The following RPH3AL variants were observed in gnomAD, a reference collection of about 807,000 sequenced individuals.
The protein encoded by RPH3AL is rab effector Noc2.
A neutral mutation model predicts 43.1 loss-of-function variants in RPH3AL; 38 were observed. That is an observed-to-expected ratio of 0.88 (90% CI 0.68 to 1.15). The LOEUF (loss-of-function observed/expected upper bound fraction) is 1.15, where lower values mean the gene tolerates loss of function less well. Among genes scored for constraint, RPH3AL ranks in the 50% most tolerant of loss-of-function variants. The probability of loss-of-function intolerance (pLI) is 0.00; values close to 1 mark genes in which losing one functional copy is unlikely to be tolerated. For missense variants in RPH3AL, 462 were observed against 423.2 expected (o/e 1.09, Z -0.81); for synonymous variants, 189 against 176.3 (o/e 1.07, Z -0.57).
In RPH3AL at chr17:345,663, G is replaced by A. The variant is rs140084548; in HGVS notation, c.-213+7049C>T. Among the ~76,000 whole-genome samples, 187 of 73,880 alleles carry A rather than the reference G, an allele frequency of 2.5e-3. 18 individuals are homozygous for A. The highest frequency in any genetic ancestry group is 5.6e-3 in the African/African-American group (176 of 31,404). The allele number at this position is 73,880 out of a possible 152,430, so 48.5% of individuals were successfully genotyped here. Reference sequence around the variant, plus strand: ...GCACGCACACCCTGCTGGGGCACGCGTGCTCCCCATCTGCGCGCACACCCT... The same window carrying A: ...GCACGCACACCCTGCTGGGGCACGCATGCTCCCCATCTGCGCGCACACCCT... On this transcript the variant is annotated intron_variant, in intron 1 of 9. Transcript: ENST00000331302.
intron 7 of RPH3AL, among the ~76,000 whole-genome samples, chr17:243,185 C>A (rs2041622060): frequency 7.0e-6 from 1 of 142,174 alleles, no homozygotes. Context: ...ATTACCCTTC[C>A]TCTATTGATT....
At chr17:255,686 G>A in intron 6 of RPH3AL, among the ~76,000 whole-genome samples, 1 of 3,764 alleles carries the variant, frequency 2.7e-4, no homozygotes, top group Non-Finnish European at 4.6e-4. Context: ...CCCTAGGAAC[G>A]TGACTACCCT....
At chr17:244,191 T>C (rs62056567) in intron 7 of RPH3AL, among the ~76,000 whole-genome samples, 4 of 107,972 alleles carry the variant, frequency 3.7e-5, no homozygotes, top group South Asian at 3.6e-4. Context: ...CTCTATTGAT[T>C]ACCCTTCCTC....
rs998330028 is a variant in RPH3AL, at chr17:283,409, A to G, written c.352-1555T>C. Among the ~76,000 whole-genome samples the G allele has an allele frequency of 3.3e-5, 5 of 152,132 alleles. No homozygotes were observed. Among genetic ancestry groups the G allele is most frequent in the African/African-American group, 7.2e-5 (3 of 41,436 alleles). On this transcript the variant is annotated intron_variant, in intron 5 of 9. Coordinates refer to ENST00000331302, the MANE Select transcript of RPH3AL (RefSeq NM_006987.4). This position sits in a 1 kb window ranked among gnomAD's most constrained non-coding sequence, Gnocchi z 4.2. ...CATTCCTGCGGGGGACGGATTTGCT[A>G]CCATCCAATGCTCAGGTACGAGAAA...
intron 6 of RPH3AL, among the ~76,000 whole-genome samples, chr17:273,623 G>A (rs572930635): frequency 3.3e-5 from 5 of 150,876 alleles, no homozygotes; most frequent in Admixed American, 1.3e-4. Flanking sequence ...AGACCCCAGC[G>A]AGGGCGACGT....
chr17:348,304 A>G (rs1567543002), intron 1 of RPH3AL, among the ~76,000 whole-genome samples: 1 of 152,200 alleles, frequency 6.6e-6, no homozygotes, highest in South Asian at 2.1e-4. Context: ...TTCTCCCCAC[A>G]TGTCCTTACA....
At chr17:331,120 G>C (rs1040443938) in intron 2 of RPH3AL, 2 of 151,964 alleles carry the variant, frequency 1.3e-5, no homozygotes, top group African/African-American at 4.8e-5. Context: ...GCAGGCTGCT[G>C]GCTGCTCCCA....
intron 6 of RPH3AL, among the ~76,000 whole-genome samples, chr17:280,975 C>T (rs181394443): frequency 3.3e-5 from 5 of 152,276 alleles, no homozygotes; most frequent in East Asian, 3.9e-4. Context: ...ACCAGCTGCA[C>T]GCCTCCTCGC....
intron 7 of RPH3AL, among the ~76,000 whole-genome samples, chr17:229,271 C>T (rs957850592): frequency 6.6e-6 from 1 of 152,226 alleles, no homozygotes; most frequent in Non-Finnish European, 1.5e-5. Context: ...TCAGGCACCA[C>T]TCGAGGGCAA....
Position 328,802 on chromosome 17 carries a change from C to T in RPH3AL, c.-36-1223G>A, listed in dbSNP as rs368296010. Among the ~76,000 whole-genome samples the T allele has an allele frequency of 8.6e-5, 13 of 151,844 alleles. 2 individuals carry two copies. Among genetic ancestry groups the T allele is most frequent in the East Asian group, 5.8e-4 (3 of 5,180 alleles). On this transcript the variant is annotated intron_variant, in intron 2 of 9. Transcript: ENST00000331302. The surrounding 1 kb of genome is among the most constrained non-coding windows in gnomAD (Gnocchi z 4.2). Reference sequence around the variant, plus strand: ...GATTTACAATGGATTATTATTTGGCCGTAAAAAGGAATGAAGTGCTAATAC... The same window carrying T: ...GATTTACAATGGATTATTATTTGGCTGTAAAAAGGAATGAAGTGCTAATAC...
chr17:216,983 G>A (rs944203657), intron 8 of RPH3AL, among the ~76,000 whole-genome samples: 4 of 151,582 alleles, frequency 2.6e-5, no homozygotes, highest in African/African-American at 9.7e-5. Context: ...ACTCCCATCT[G>A]GGGCAGTTAT....
At chr17:232,705 G>A (rs1241128249) in intron 7 of RPH3AL, among the ~76,000 whole-genome samples, 7 of 152,170 alleles carry the variant, frequency 4.6e-5, no homozygotes, top group Non-Finnish European at 7.3e-5. Context: ...GACCCAAACA[G>A]CAGACCTGCA....
At chr17:310,179 C>A (rs1865557694) in intron 5 of RPH3AL, among the ~76,000 whole-genome samples, 1 of 152,130 alleles carries the variant, frequency 6.6e-6, no homozygotes, top group African/African-American at 2.4e-5. Flanking sequence ...TGACTCAGAT[C>A]CCAAGCAATT....
At chr17:217,253 T>G (rs1597866403) in intron 8 of RPH3AL, among the ~76,000 whole-genome samples, 1 of 123,222 alleles carries the variant, frequency 8.1e-6, no homozygotes, top group African/African-American at 3.1e-5. Flanking sequence ...TATGGAGCCC[T>G]TTCTTCTTCT....
chr17:238,696 C>T (rs2041459740), intron 7 of RPH3AL, among the ~76,000 whole-genome samples: 1 of 152,182 alleles, frequency 6.6e-6, no homozygotes, highest in African/African-American at 2.4e-5. Context: ...TGTACTCTTT[C>T]GCTACTCAAG....
At position 247,094 on chromosome 17, in the gene RPH3AL, A is replaced by T. The variant is rs2041783630; in HGVS notation, c.613+17T>A. The T allele has an allele frequency of 1.9e-6, 3 of 1,613,814 alleles. No individual in the cohort carries two copies. Among genetic ancestry groups the T allele is most frequent in the Admixed American group, 1.7e-5 (1 of 59,990 alleles). On this transcript the variant is annotated intron_variant, in intron 7 of 9. Coordinates refer to ENST00000331302, the MANE Select transcript of RPH3AL (RefSeq NM_006987.4). ...AACTTTACAGGCCATCCTGGGAGAG[A>T]GGCAGAGGGGACTTACCTCTTCCTC... is the stretch of plus-strand genomic sequence containing the variant.
At chr17:337,742 C>T (rs898407834) in intron 1 of RPH3AL, among the ~76,000 whole-genome samples, 2 of 152,226 alleles carry the variant, frequency 1.3e-5, no homozygotes, top group African/African-American at 2.4e-5. Flanking sequence ...CGTGCCCAGC[C>T]GCTCAGTCTC....
At chr17:307,467 C>T (rs1311431808) in intron 5 of RPH3AL, among the ~76,000 whole-genome samples, 2 of 152,168 alleles carry the variant, frequency 1.3e-5, no homozygotes, top group Non-Finnish European at 2.9e-5. Flanking sequence ...CCACGCTCAT[C>T]CCTGCCTTCT....
rs998288774 is a variant in RPH3AL at position 286,937 on chromosome 17, A to T, written c.352-5083T>A. Among the ~76,000 whole-genome samples, 60 of 65,656 alleles carry T rather than the reference A, an allele frequency of 9.1e-4. 1 individual carries two copies. The highest frequency in any genetic ancestry group is 3.3e-3 in the East Asian group (5 of 1,538). 43.1% of individuals were successfully genotyped at this position (65,656 alleles called of 152,430 possible). A position where few individuals can be genotyped will look rare whatever the true frequency, so the allele number is the denominator to read the frequency against. On this transcript the variant is annotated intron_variant, in intron 5 of 9. Coordinates refer to ENST00000331302, the MANE Select transcript of RPH3AL (RefSeq NM_006987.4). The stretch of plus-strand genomic sequence containing the variant: ...CTCTCTCTCCACCGTCAGACCTCGC[A>T]CCCTCTCTCTCCACCGTCAGACCTC...
Sources: gnomAD v4.1 joint callset for allele counts (sites outside exome capture counted in the v4.1 genomes callset) on GRCh38, gnomAD v4.1.1 for gene constraint, Gnocchi (gnomAD v3.1) non-coding constraint, MANE v1.5 for transcripts, NCBI Gene and HGNC (gene_info 2026-07-23, HGNC 2026-07-21) for gene names.